Variants in ITGA9 observed in about 807,000 individuals in gnomAD.
The protein encoded by ITGA9 is integrin subunit alpha 9, also known as integrin alpha-9.
Under a neutral mutation model 127.8 loss-of-function variants are expected in ITGA9, and 56 were observed. The observed-to-expected ratio is 0.44, with a 90% CI of 0.35 to 0.55. The LOEUF is 0.55. Ranked by LOEUF, ITGA9 falls within the 20% of genes least tolerant of loss-of-function variation. The probability of loss-of-function intolerance (pLI) is 0.00; values close to 1 mark genes in which losing one functional copy is unlikely to be tolerated. For synonymous variants in ITGA9, 508 were observed against 514.5 expected (o/e 0.99, Z 0.17); for missense variants, 1,196 against 1,347.1 (o/e 0.89, Z 1.76).
At chr3:37,594,771 A>G (rs1193981683) in intron 15 of ITGA9, among the ~76,000 whole-genome samples, 1 of 152,182 alleles carries the variant, frequency 6.6e-6, no homozygotes, top group African/African-American at 2.4e-5. Flanking sequence ...TAAGTGCCAT[A>G]TGGTGGGTGT....
chr3:37,519,504 A>G, intron 11 of ITGA9, 150 bp downstream of exon 11: 5 of 691,946 alleles, frequency 7.2e-6, no homozygotes, highest in Non-Finnish European at 1.3e-5. Context: ...GATACAATTA[A>G]TATTGCTTAT....
At chr3:37,792,439 A>G (rs1429166462) in intron 26 of ITGA9, among the ~76,000 whole-genome samples, 1 of 152,192 alleles carries the variant, frequency 6.6e-6, no homozygotes, top group Non-Finnish European at 1.5e-5. Context: ...ATGTTTCTAC[A>G]AGGAAGCTGA....
chr3:37,749,254 T>C, intron 22 of ITGA9: 1 of 169,480 alleles, frequency 5.9e-6, no homozygotes, highest in Non-Finnish European at 1.2e-5. Context: ...GGTCAAGTCT[T>C]AGGATGTTCT....
chr3:37,768,762 C>T (rs1696808084), intron 23 of ITGA9, among the ~76,000 whole-genome samples: 1 of 151,720 alleles, frequency 6.6e-6, no homozygotes, highest in Non-Finnish European at 1.5e-5. Context: ...ATTCAACAAA[C>T]ATAGCTTTTA....
chr3:37,623,563 G>C (rs1424245987), intron 15 of ITGA9, among the ~76,000 whole-genome samples: 1 of 152,128 alleles, frequency 6.6e-6, no homozygotes. Context: ...AGTCCTGGCT[G>C]TCTTGATAGT....
chr3:37,782,795 C>T (rs777618204), intron 25 of ITGA9, among the ~76,000 whole-genome samples: 7 of 152,048 alleles, frequency 4.6e-5, no homozygotes, highest in African/African-American at 7.2e-5. Context: ...TGAGGTTTTA[C>T]TGTTTTGACC....
chr3:37,769,194 C>T (rs943525248), intron 23 of ITGA9, among the ~76,000 whole-genome samples: 1 of 151,932 alleles, frequency 6.6e-6, no homozygotes, highest in Non-Finnish European at 1.5e-5. Flanking sequence ...CAAAATTAGC[C>T]AGGCATGGTG....
intron 18 of ITGA9, among the ~76,000 whole-genome samples, chr3:37,727,437 T>G (rs1422844409): frequency 2.0e-5 from 3 of 152,360 alleles, no homozygotes; most frequent in South Asian, 2.1e-4. Context: ...AAAAATGTAT[T>G]TTAAAAGTTT....
chr3:37,486,854 A>G (rs1698614649), intron 4 of ITGA9, among the ~76,000 whole-genome samples: 2 of 152,210 alleles, frequency 1.3e-5, no homozygotes, highest in South Asian at 2.1e-4. Flanking sequence ...AAAACTTCCT[A>G]TGGATTCCAA....
At chr3:37,751,110 A>T (rs1361935550) in intron 23 of ITGA9, among the ~76,000 whole-genome samples, 1 of 152,270 alleles carries the variant, frequency 6.6e-6, no homozygotes, top group Non-Finnish European at 1.5e-5. Context: ...ACATTGTGTG[A>T]TGGTGACAGT....
At chr3:37,603,592 T>TTAAAG (rs1699941789) in intron 15 of ITGA9, among the ~76,000 whole-genome samples, 1 of 152,214 alleles carries the variant, frequency 6.6e-6, no homozygotes, top group African/African-American at 2.4e-5. Context: ...AACTGAGGCA[T>TTAAAG]GCTATTAAGC....
intron 1 of ITGA9, among the ~76,000 whole-genome samples, chr3:37,460,619 T>G (rs1252653134): frequency 4.7e-5 from 7 of 149,598 alleles, no homozygotes; most frequent in Admixed American, 2.0e-4. Context: ...AGATGGAGTC[T>G]TGCTCTGTCA....
intron 1 of ITGA9, among the ~76,000 whole-genome samples, chr3:37,469,841 A>T (rs1698409396): frequency 6.6e-6 from 1 of 151,870 alleles, no homozygotes; most frequent in Admixed American, 6.6e-5. Context: ...TGTTGCCCAG[A>T]CTGGAGTGCA....
Position 37,467,283 on chromosome 3 carries a change from C to T in ITGA9, c.186-3724C>T, listed in dbSNP as rs1051528836. Among the ~76,000 whole-genome samples the T allele has an allele frequency of 5.3e-5, 8 of 152,310 alleles. No individual in the cohort carries two copies. In the South Asian group the frequency reaches 8.3e-4, roughly 16 times the overall value. On this transcript the variant is annotated intron_variant, in intron 1 of 27. Transcript: ENST00000264741. ...AAAACCTTTCATCTGACCAGCTGAT[C>T]AGAAGTTTTGAACTGAAAGGTTGTT...
At chr3:37,640,583 C>T (rs1393664213) in intron 16 of ITGA9, among the ~76,000 whole-genome samples, 1 of 152,196 alleles carries the variant, frequency 6.6e-6, no homozygotes. Context: ...CCAGACAACC[C>T]ACCGACCTCT....
Position 37,819,099 on chromosome 3 carries a change from A to G in ITGA9, c.*110A>G, listed in dbSNP as rs1697479920. 1 of 832,086 alleles carries G rather than the reference A, an allele frequency of 1.2e-6. No homozygotes were observed. 51.5% of individuals were successfully genotyped at this position (832,086 alleles called of 1,614,324 possible). A position where few individuals can be genotyped will look rare whatever the true frequency, so the allele number is the denominator to read the frequency against. ...TCCAGATTTTTCGGAGGCCCCACTG[A>G]TGCTGTTCTCTTCTTCATTCTATCA... On this transcript the variant is annotated 3_prime_UTR_variant, in exon 28 of 28. Transcript: ENST00000264741.
chr3:37,772,400 TC>T (rs1317366950), intron 23 of ITGA9, among the ~76,000 whole-genome samples: 1 of 150,240 alleles, frequency 6.7e-6, no homozygotes, highest in Non-Finnish European at 1.5e-5. Context: ...AGAGCAAGAC[TC>T]CATCTCAAAA....
intron 15 of ITGA9, among the ~76,000 whole-genome samples, chr3:37,571,542 G>A (rs1258752974): frequency 1.3e-5 from 2 of 152,126 alleles, no homozygotes; most frequent in Non-Finnish European, 2.9e-5. Flanking sequence ...ACTTTTGCAG[G>A]GATCAGAATC....
intron 27 of ITGA9, chr3:37,807,698 G>C (rs1172798696): frequency 6.6e-6 from 1 of 152,466 alleles, no homozygotes; most frequent in Non-Finnish European, 1.5e-5. Context: ...AGTGAGCTAT[G>C]ATCATACCAC....
Sources: allele counts gnomAD v4.1 joint callset (sites outside exome capture counted in the v4.1 genomes callset), GRCh38; gene constraint gnomAD v4.1.1; transcripts MANE v1.5; gene names NCBI Gene and HGNC (gene_info 2026-07-23, HGNC 2026-07-21).